Variants in SORCS3 observed in about 807,000 individuals in gnomAD.
SORCS3 encodes the protein VPS10 domain-containing receptor SorCS3.
Under a neutral mutation model 146.3 loss-of-function variants are expected in SORCS3, and 57 were observed. That is an observed-to-expected ratio of 0.39 (90% CI 0.31 to 0.49). The LOEUF (loss-of-function observed/expected upper bound fraction) is 0.49, where lower values mean the gene tolerates loss of function less well. Ranked by LOEUF, SORCS3 falls within the 20% of genes least tolerant of loss-of-function variation. SORCS3 has a pLI of 0.92. For synonymous variants in SORCS3, 653 were observed against 618.5 expected (o/e 1.06, Z -0.83); for missense variants, 1,341 against 1,575.5 (o/e 0.85, Z 2.52).
chr10:104,706,011 A>G (rs951048974), intron 1 of SORCS3, among the ~76,000 whole-genome samples: 7 of 152,072 alleles, frequency 4.6e-5, no homozygotes, highest in African/African-American at 1.4e-4. Flanking sequence ...TCTCTCTCCA[A>G]TAACAGGGTG....
At chr10:104,966,436 C>A (rs1388336887) in intron 3 of SORCS3, among the ~76,000 whole-genome samples, 2 of 152,112 alleles carry the variant, frequency 1.3e-5, no homozygotes, top group East Asian at 3.9e-4. Context: ...TTATTGAACA[C>A]TAACTTTGCT....
chr10:105,003,622 T>G (rs1027115543), intron 4 of SORCS3, among the ~76,000 whole-genome samples: 2 of 152,188 alleles, frequency 1.3e-5, no homozygotes, highest in African/African-American at 4.8e-5. Flanking sequence ...GTTTAATATG[T>G]TTACATAAAC....
At chr10:104,983,143 G>A (rs1365393559) in intron 4 of SORCS3, among the ~76,000 whole-genome samples, 1 of 152,108 alleles carries the variant, frequency 6.6e-6, no homozygotes, top group Non-Finnish European at 1.5e-5. Flanking sequence ...GGGATTACAG[G>A]CACCTGCCAC....
chr10:104,989,005 C>T (rs1032121984), intron 4 of SORCS3, among the ~76,000 whole-genome samples: 2 of 152,206 alleles, frequency 1.3e-5, no homozygotes, highest in African/African-American at 4.8e-5. Context: ...TTCTCACTAA[C>T]CAGTTCATTT....
intron 1 of SORCS3, among the ~76,000 whole-genome samples, chr10:104,807,237 A>G (rs1037262975): frequency 3.9e-5 from 6 of 152,148 alleles, no homozygotes; most frequent in African/African-American, 1.2e-4. Context: ...ATGCGTGCGC[A>G]TGCACATGCA....
intron 1 of SORCS3, among the ~76,000 whole-genome samples, chr10:104,770,663 A>T (rs2017237529): frequency 6.6e-6 from 1 of 151,800 alleles, no homozygotes; most frequent in Non-Finnish European, 1.5e-5. Context: ...CTACCAAAAA[A>T]ATAAAATATA....
chr10:104,695,442 C>T (rs1235771009), intron 1 of SORCS3, among the ~76,000 whole-genome samples: 2 of 151,310 alleles, frequency 1.3e-5, no homozygotes, highest in East Asian at 3.9e-4. Context: ...TTAAAAAGAA[C>T]ATTTCTTGTA....
At chr10:104,983,462 G>A (rs1564728307) in intron 4 of SORCS3, among the ~76,000 whole-genome samples, 1 of 152,120 alleles carries the variant, frequency 6.6e-6, no homozygotes, top group Non-Finnish European at 1.5e-5. Flanking sequence ...GGGTACTCAG[G>A]CAGGCAACAG....
At chr10:105,010,981 T>G (rs1037908700) in intron 4 of SORCS3, among the ~76,000 whole-genome samples, 1 of 152,120 alleles carries the variant, frequency 6.6e-6, no homozygotes, top group Non-Finnish European at 1.5e-5. Context: ...GATTTCTTAG[T>G]CTCAGGAGGA....
chr10:105,154,174 A>G (rs1589658633), intron 9 of SORCS3, among the ~76,000 whole-genome samples: 1 of 151,160 alleles, frequency 6.6e-6, no homozygotes, highest in African/African-American at 2.4e-5. Context: ...AGAGCCTGTC[A>G]TCTTCCCTCT....
intron 20 of SORCS3, among the ~76,000 whole-genome samples, chr10:105,231,918 G>C (rs923584641): frequency 3.9e-5 from 6 of 151,966 alleles, no homozygotes. Context: ...GCTTTATTGA[G>C]GATTTTTGCA....
intron 1 of SORCS3, among the ~76,000 whole-genome samples, chr10:104,772,895 A>T (rs1420218877): frequency 6.6e-6 from 1 of 152,240 alleles, no homozygotes; most frequent in East Asian, 1.9e-4. Flanking sequence ...GGGAGATGCC[A>T]AGGACACAGA....
At chr10:104,830,997 A>AT (rs1213429081) in intron 1 of SORCS3, among the ~76,000 whole-genome samples, 1 of 151,102 alleles carries the variant, frequency 6.6e-6, no homozygotes, top group African/African-American at 2.4e-5. Flanking sequence ...AATTATTATT[A>AT]TTTTTTTTGG....
intron 8 of SORCS3, among the ~76,000 whole-genome samples, chr10:105,146,090 A>C (rs996887816): frequency 6.6e-5 from 10 of 152,102 alleles, no homozygotes; most frequent in African/African-American, 2.2e-4. Flanking sequence ...GCTTTCCATC[A>C]CAGCAACACG....
At position 104,642,455 on chromosome 10, in the gene SORCS3, G is replaced by T. The variant is rs533142986; in HGVS notation, c.627+501G>T. On this transcript the variant is annotated intron_variant, in intron 1 of 26. Transcript: ENST00000369701. ...CATTCGGACTCCCAGCCTCCTGCTC[G>T]CCTCGGGGTCGCTGCTATCCGCTCC... 1.0e-4 allele frequency among the ~76,000 whole-genome samples: 13 copies of T among 126,946 alleles called. No homozygotes were observed. The East Asian group carries it at 3.1e-3, about 30-fold the overall frequency. The allele number at this position is 126,946 out of a possible 152,430, so 83.3% of individuals were successfully genotyped here. A position where few individuals can be genotyped will look rare whatever the true frequency, so the allele number is the denominator to read the frequency against.
intron 4 of SORCS3, among the ~76,000 whole-genome samples, chr10:105,027,698 C>T (rs548740155): frequency 6.6e-6 from 1 of 152,300 alleles, no homozygotes; most frequent in East Asian, 1.9e-4. Flanking sequence ...TGATGCTGTC[C>T]ACAAGTGTCC....
intron 1 of SORCS3, among the ~76,000 whole-genome samples, chr10:104,763,657 C>T (rs2017146270): frequency 6.6e-6 from 1 of 152,190 alleles, no homozygotes; most frequent in South Asian, 2.1e-4. Context: ...GCTAGATGAT[C>T]TTGTGGCCAA....
chr10:104,740,248 T>C (rs2016825684), intron 1 of SORCS3, among the ~76,000 whole-genome samples: 1 of 152,232 alleles, frequency 6.6e-6, no homozygotes, highest in African/African-American at 2.4e-5. Flanking sequence ...CCTAGAAATT[T>C]GTGGCCCCCT....
At chr10:105,205,676 A>G (rs977741030) in intron 16 of SORCS3, among the ~76,000 whole-genome samples, 1 of 152,174 alleles carries the variant, frequency 6.6e-6, no homozygotes, top group African/African-American at 2.4e-5. Flanking sequence ...ACCAGAGATT[A>G]TTATGCCCAG....
Sources: gnomAD v4.1 joint callset for allele counts (sites outside exome capture counted in the v4.1 genomes callset) on GRCh38, gnomAD v4.1.1 for gene constraint, MANE v1.5 for transcripts, NCBI Gene and HGNC (gene_info 2026-07-23, HGNC 2026-07-21) for gene names.